The following VWA5A variants were observed in gnomAD, a reference collection of about 807,000 sequenced individuals.
The protein encoded by VWA5A is von Willebrand factor A domain containing 5A, also known as von Willebrand factor A domain-containing protein 5A.
A neutral mutation model predicts 84.6 loss-of-function variants in VWA5A; 77 were observed. The observed-to-expected ratio is 0.91, with a 90% CI of 0.76 to 1.10. VWA5A has a LOEUF of 1.10. Ranked by LOEUF, VWA5A falls within the 50% of genes least tolerant of loss-of-function variation. VWA5A has a pLI of 0.00. For missense variants in VWA5A, 973 were observed against 963.0 expected (o/e 1.01, Z -0.14); for synonymous variants, 334 against 350.1 (o/e 0.95, Z 0.51).
chr11:124,118,446 G>C (rs1309305234), intron 5 of VWA5A, 35 bp downstream of exon 5: 1 of 1,611,792 alleles, frequency 6.2e-7, no homozygotes, highest in Admixed American at 1.7e-5. Context: ...CTAGTGGTGG[G>C]TGACATAAAT....
At chr11:124,141,474 A>G in intron 15 of VWA5A, 124 bp from the exon 16 acceptor site, 1 of 1,241,632 alleles carries the variant, frequency 8.1e-7, no homozygotes, top group South Asian at 1.5e-5. Context: ...AGAGAAAAAT[A>G]GCACAGTAAG....
In VWA5A at chr11:124,142,516, C is replaced by A. The variant is rs1231761820; in HGVS notation, c.2098C>A (p.Leu700Ile). 1 of 1,614,146 alleles carries A rather than the reference C, an allele frequency of 6.2e-7. No individual in the cohort carries two copies. Among genetic ancestry groups the A allele is most frequent in the Admixed American group, 1.7e-5 (1 of 60,020 alleles). ...TGGTTCCTGGGATCTGAATGAAGAT[C>A]TAGCCAAGATCCTAGGTATGAGTTT... ...ANGSWDLNED[L>I]AKILGMSLEE... Residue 700 changes from leucine (L) to isoleucine (I), a missense_variant, in exon 17 of 19, where the codon CTA (leucine) becomes ATA (isoleucine). Leu to Ile is a conservative substitution (Grantham distance 5). Transcript: ENST00000456829.
At chr11:124,126,299 G>T (rs1865017599) in intron 11 of VWA5A, among the ~76,000 whole-genome samples, 1 of 152,158 alleles carries the variant, frequency 6.6e-6, no homozygotes, top group African/African-American at 2.4e-5. Context: ...GGCTAGAACT[G>T]CATTGACTAG....
chr11:124,117,991 A>G (rs1864862871), intron 4 of VWA5A, 116 bp downstream of exon 4: 1 of 1,376,894 alleles, frequency 7.3e-7, no homozygotes, highest in Admixed American at 2.4e-5. Context: ...GCTGATGTTG[A>G]AAGCTCTTTC....
rs1424666032 is a variant in VWA5A at position 124,147,629 on chromosome 11, A to G, written c.*1684A>G. The G allele has an allele frequency of 6.6e-6, 1 of 152,238 alleles. No homozygotes were observed. Among genetic ancestry groups the G allele is most frequent in the Non-Finnish European group, 1.5e-5 (1 of 68,044 alleles). 9.4% of individuals were successfully genotyped at this position (152,238 alleles called of 1,614,324 possible). On this transcript the variant is annotated 3_prime_UTR_variant, in exon 19 of 19. Coordinates refer to ENST00000456829, the MANE Select transcript of VWA5A (RefSeq NM_001130142.2). The stretch of plus-strand genomic sequence containing the variant: ...ATCGATACCAGGAACTACTTTATTT[A>G]ACAAGGCTCCCAGGTATCATGCATG...
intron 11 of VWA5A, among the ~76,000 whole-genome samples, chr11:124,125,993 G>A (rs1049964038): frequency 2.6e-5 from 4 of 152,138 alleles, no homozygotes; most frequent in Non-Finnish European, 5.9e-5. Flanking sequence ...GGAAAAGTTT[G>A]TCCTTTTCTC....
intron 10 of VWA5A, 58 bp from the exon 11 acceptor site, chr11:124,124,179 C>A: frequency 6.5e-7 from 1 of 1,548,726 alleles, no homozygotes. Context: ...AGGGCAAATT[C>A]TGGTTTCTTA....
rs77889143 is a variant in VWA5A, at chr11:124,118,920, C to T, written c.646-55C>T. On this transcript the variant is annotated intron_variant, in intron 6 of 18. Coordinates refer to ENST00000456829, the MANE Select transcript of VWA5A (RefSeq NM_001130142.2). ...GAGGACTGCGCCCTAACCTCAGCCC[C>T]AAGAAGCAAGAAGTTATGATTCTAA... The T allele has an allele frequency of 3.3e-3, 5,193 of 1,564,636 alleles. 138 individuals are homozygous for T. The African/African-American group carries it at 0.059, about 18-fold the overall frequency.
intron 15 of VWA5A, among the ~76,000 whole-genome samples, chr11:124,141,251 G>T (rs1178312281): frequency 6.6e-6 from 1 of 152,156 alleles, no homozygotes; most frequent in Admixed American, 6.5e-5. Context: ...CTTGAAGTGT[G>T]GTACATTGAG....
intron 11 of VWA5A, among the ~76,000 whole-genome samples, chr11:124,127,725 G>C (rs185305384): frequency 1.7e-4 from 26 of 152,244 alleles, no homozygotes; most frequent in African/African-American, 5.3e-4. Context: ...GCGTGAGATG[G>C]TATCTCATTG....
intron 9 of VWA5A, 62 bp downstream of exon 9, chr11:124,123,516 G>T: frequency 6.2e-7 from 1 of 1,600,834 alleles, no homozygotes; most frequent in Non-Finnish European, 8.6e-7. Context: ...GGACTAAATT[G>T]TTAAAGGGGT....
intron 2 of VWA5A, 101 bp from the exon 3 acceptor site, chr11:124,117,391 TAACCC>T: frequency 8.9e-7 from 1 of 1,120,508 alleles, no homozygotes. Flanking sequence ...ACTCCAACAT[TAACCC>T]TTTGAATGTA....
intron 13 of VWA5A, 38 bp from the exon 14 acceptor site, chr11:124,136,536 T>C (rs777878269): frequency 2.5e-5 from 39 of 1,580,028 alleles, no homozygotes; most frequent in South Asian, 7.7e-5. Context: ...ATCAGAACAT[T>C]ACATGTTCCG....
At chr11:124,136,505 G>GA in intron 13 of VWA5A, 69 bp from the exon 14 acceptor site, 1 of 1,543,064 alleles carries the variant, frequency 6.5e-7, no homozygotes, top group Non-Finnish European at 8.9e-7. Context: ...ACCTGCCCCT[G>GA]TTCTGATCCT....
chr11:124,140,906 G>A (rs1306734012), intron 15 of VWA5A, among the ~76,000 whole-genome samples: 3 of 152,206 alleles, frequency 2.0e-5, no homozygotes, highest in Non-Finnish European at 1.5e-5. Flanking sequence ...TTTTCTATGA[G>A]TGGAACAATT....
chr11:124,123,741 TG>T lies in VWA5A; in HGVS notation c.1102del (p.Glu368LysfsTer36), dbSNP rs773094197. ...TTATGCAGGCCGACCTAGGGGGCAC[TG>T]AAATCTTGGCACCACTCCAGAACAT... ...KLMQADLGGT[E>X]ILAPLQNIYR... On this transcript the variant is annotated frameshift_variant, in exon 10 of 19. Transcript: ENST00000456829. LOFTEE classifies it high-confidence loss of function. The T allele has an allele frequency of 8.7e-6, 14 of 1,610,598 alleles. 1 individual carries two copies. Among genetic ancestry groups the T allele is most frequent in the Non-Finnish European group, 1.2e-5 (14 of 1,178,808 alleles).
At chr11:124,144,424 A>G (rs1860780337) in intron 17 of VWA5A, among the ~76,000 whole-genome samples, 1 of 152,176 alleles carries the variant, frequency 6.6e-6, no homozygotes, top group African/African-American at 2.4e-5. Context: ...ATTTAAGGAG[A>G]TATATTTTTA....
In VWA5A at chr11:124,146,113, A is replaced by G. The variant is rs3824997; in HGVS notation, c.*168A>G. The G allele has an allele frequency of 0.39, 251,775 of 638,630 alleles. 52,222 individuals are homozygous for G. Among genetic ancestry groups the G allele is most frequent in the East Asian group, 0.69 (21,797 of 31,424 alleles). 39.6% of individuals were successfully genotyped at this position (638,630 alleles called of 1,614,324 possible). On this transcript the variant is annotated 3_prime_UTR_variant, in exon 19 of 19. Coordinates refer to ENST00000456829, the MANE Select transcript of VWA5A (RefSeq NM_001130142.2). ...TCTCTGCTCCAGGTTCACTTTGGAT[A>G]TGATCTTTCTTTTCCCAACATATGC...
chr11:124,136,597 A>C lies in VWA5A; in HGVS notation c.1548A>C (p.Val516=), dbSNP rs774250604. 8.8e-5 allele frequency: 142 copies of C among 1,614,068 alleles called. No individual in the cohort carries two copies. Among genetic ancestry groups the C allele is most frequent in the Non-Finnish European group, 1.1e-4 (131 of 1,180,038 alleles). Residue 516 remains valine (V), a synonymous_variant, in exon 14 of 19, where the codon GTA becomes GTC. Transcript: ENST00000456829. ...AGGCAGCAGAGACAACAGGAGAAGTATGCCTCAAATATACACTCCAGGGCA... is the reference window on the plus strand; with the variant it reads ...AGGCAGCAGAGACAACAGGAGAAGTCTGCCTCAAATATACACTCCAGGGCA... The part of the protein sequence containing the change: ...RMPAAETTGE[V]CLKYTLQGKT...
Sources: allele counts gnomAD v4.1 joint callset (sites outside exome capture counted in the v4.1 genomes callset), GRCh38; gene constraint gnomAD v4.1.1; transcripts MANE v1.5; gene names NCBI Gene and HGNC (gene_info 2026-07-23, HGNC 2026-07-21).